CPSF7: variants seen among roughly 807,000 people sequenced by gnomAD.
CPSF7 encodes cleavage and polyadenylation specific factor 7.
CPSF7 carries 1 observed loss-of-function variant against 44.3 expected under a neutral mutation model. The ratio of observed to expected loss-of-function variants is 0.02; its 90% CI spans 0.01 to 0.11. CPSF7 has a LOEUF of 0.11. CPSF7 is among the 10% of genes least tolerant of loss of function. CPSF7 has a pLI of 1.00. For missense variants in CPSF7, 443 were observed against 607.2 expected (o/e 0.73, Z 2.84); for synonymous variants, 202 against 222.0 (o/e 0.91, Z 0.80).
intron 1 of CPSF7, chr11:61,429,647 G>A (rs1215536289): frequency 7.9e-7 from 1 of 1,261,478 alleles, no homozygotes; most frequent in East Asian, 2.6e-5. Flanking sequence ...AGCCCCCAAG[G>A]CGGCTCCGGC....
At position 61,410,270 on chromosome 11, in the gene CPSF7, A is replaced by C. The variant is rs543992037; in HGVS notation, c.*5+668T>G. ...TGGCTAATTTTTGTATTTTTTGTAG[A>C]GACAGGGTCTCCCTATGTTGCCCAG... is the stretch of plus-strand genomic sequence containing the variant. On this transcript the variant is annotated intron_variant, in intron 9 of 9. Transcript: ENST00000439958. Among the ~76,000 whole-genome samples, 621 of 152,160 alleles carry C rather than the reference A, an allele frequency of 4.1e-3. 3 individuals are homozygous for C. Among genetic ancestry groups the C allele is most frequent in the Non-Finnish European group, 6.3e-3 (425 of 68,000 alleles).
At chr11:61,425,273 C>T (rs1024943310) in intron 2 of CPSF7, among the ~76,000 whole-genome samples, 9 of 152,172 alleles carry the variant, frequency 5.9e-5, no homozygotes, top group African/African-American at 2.2e-4. Context: ...ACTTGTTCAG[C>T]TAGTAAGACA....
At chr11:61,429,680 G>A in intron 1 of CPSF7, 3 of 1,477,648 alleles carry the variant, frequency 2.0e-6, no homozygotes, top group Non-Finnish European at 2.7e-6. Flanking sequence ...GTGTCAAGCA[G>A]CTCCAGCCGC....
chr11:61,421,236 C>A (rs1860846713), intron 3 of CPSF7, 154 bp downstream of exon 3: 1 of 1,036,792 alleles, frequency 9.6e-7, no homozygotes, highest in Admixed American at 2.0e-5. Context: ...CAGGATAGTT[C>A]TCTTTCAGAG....
chr11:61,410,277 G>A (rs1299735152), intron 9 of CPSF7, among the ~76,000 whole-genome samples: 2 of 152,036 alleles, frequency 1.3e-5, no homozygotes, highest in East Asian at 3.9e-4. Context: ...TAGAGACAGG[G>A]TCTCCCTATG....
At chr11:61,411,733 T>G in intron 8 of CPSF7, 36 bp downstream of exon 8, 1 of 1,588,024 alleles carries the variant, frequency 6.3e-7, no homozygotes, top group Non-Finnish European at 8.6e-7. Flanking sequence ...GAGTGCTGCT[T>G]GGGGCTGGTA....
Position 61,429,236 on chromosome 11 carries a change from G to A in CPSF7, c.-1C>T. The A allele has an allele frequency of 6.2e-7, 1 of 1,613,674 alleles. No homozygotes were observed. Among genetic ancestry groups the A allele is most frequent in the South Asian group, 1.1e-5 (1 of 91,056 alleles). ...CAATCAAGTCCACTCCTTCTGACAT[G>A]GCTCCGGAAGGAAGATCGCGAGTCC... On this transcript the variant is annotated 5_prime_UTR_variant, in exon 2 of 10. Transcript: ENST00000439958.
intron 2 of CPSF7, chr11:61,426,961 G>A (rs1196367622): frequency 6.9e-6 from 1 of 145,004 alleles, no homozygotes; most frequent in Non-Finnish European, 1.5e-5. Context: ...CTGGGAAAAG[G>A]AGGTTGCAGC....
chr11:61,421,312 T>C (rs1296675440), intron 3 of CPSF7, 78 bp downstream of exon 3: 3 of 1,222,698 alleles, frequency 2.5e-6, no homozygotes, highest in Admixed American at 1.9e-5. Flanking sequence ...AGTGCAACAG[T>C]AGTTTCTGAA....
intron 2 of CPSF7, among the ~76,000 whole-genome samples, chr11:61,424,807 C>T (rs966886482): frequency 6.6e-6 from 1 of 152,166 alleles, no homozygotes. Context: ...AATAAGGAAA[C>T]ACATCATCTT....
chr11:61,411,395 CTT>C (rs1435437184), intron 8 of CPSF7, among the ~76,000 whole-genome samples: 2 of 152,070 alleles, frequency 1.3e-5, no homozygotes, highest in Non-Finnish European at 2.9e-5. Context: ...ATCAGTGTCC[CTT>C]TTTTAGAAAA....
intron 3 of CPSF7, 56 bp downstream of exon 3, chr11:61,421,334 C>T (rs1346415085): frequency 1.4e-6 from 2 of 1,426,674 alleles, no homozygotes; most frequent in African/African-American, 1.4e-5. Flanking sequence ...ATGCCATCAC[C>T]TCCCAGTGCT....
intron 9 of CPSF7, among the ~76,000 whole-genome samples, chr11:61,406,439 A>G (rs957805796): frequency 2.6e-5 from 4 of 152,256 alleles, no homozygotes; most frequent in Non-Finnish European, 4.4e-5. Context: ...TTCCTAAGCC[A>G]TAACTTGGTC....
chr11:61,420,862 T>C (rs1280340702), intron 3 of CPSF7: 4 of 494,280 alleles, frequency 8.1e-6, no homozygotes, highest in Non-Finnish European at 7.3e-6. Flanking sequence ...AGCTAGCAAT[T>C]TTTTAATTAT....
At chr11:61,405,132 G>GA (rs1306992955) in intron 9 of CPSF7, among the ~76,000 whole-genome samples, 2 of 152,134 alleles carry the variant, frequency 1.3e-5, no homozygotes, top group East Asian at 1.9e-4. Flanking sequence ...AGGGGAGGGG[G>GA]AAAAATCTGG....
rs556138673 is a variant in CPSF7 at position 61,422,862 on chromosome 11, G to A, written c.55-1254C>T. Among the ~76,000 whole-genome samples the A allele has an allele frequency of 2.0e-5, 3 of 152,230 alleles. No individual in the cohort carries two copies. In the South Asian group the frequency reaches 6.2e-4, roughly 32 times the overall value. ...TTTAGGATTTTACAGGCTGGGTGCAGTGGCTCACGCCTTGTATCCCAGCAC... is the reference window on the plus strand; with the variant it reads ...TTTAGGATTTTACAGGCTGGGTGCAATGGCTCACGCCTTGTATCCCAGCAC... On this transcript the variant is annotated intron_variant, in intron 2 of 9. Coordinates refer to ENST00000439958, the MANE Select transcript of CPSF7 (RefSeq NM_001142565.3).
Position 61,404,348 on chromosome 11 carries a change from T to C in CPSF7, c.*362A>G, listed in dbSNP as rs1262737490. 6.6e-6 allele frequency: 1 copy of C among 152,612 alleles called. No individual in the cohort carries two copies. Among genetic ancestry groups the C allele is most frequent in the African/African-American group, 2.4e-5 (1 of 41,434 alleles). 9.5% of individuals were successfully genotyped at this position (152,612 alleles called of 1,614,324 possible). A position where few individuals can be genotyped will look rare whatever the true frequency, so the allele number is the denominator to read the frequency against. On this transcript the variant is annotated 3_prime_UTR_variant, in exon 10 of 10. Transcript: ENST00000439958. ...ATCTATTTTCTTTGGGAAGGAAGTC[T>C]TCCCATCAACCTCACCATTGAACGG...
At chr11:61,429,583 G>T (rs1861750613) in intron 1 of CPSF7, 1 of 704,068 alleles carries the variant, frequency 1.4e-6, no homozygotes, top group Admixed American at 3.0e-5. Context: ...CTAGGACGGC[G>T]TTGCGAAGAA....
intron 9 of CPSF7, among the ~76,000 whole-genome samples, chr11:61,406,902 C>G (rs924769428): frequency 6.6e-6 from 1 of 152,096 alleles, no homozygotes; most frequent in Non-Finnish European, 1.5e-5. Context: ...TCAGCACCCC[C>G]AAGTAGCTGG....
Sources: gnomAD v4.1 joint callset for allele counts (sites outside exome capture counted in the v4.1 genomes callset) on GRCh38, gnomAD v4.1.1 for gene constraint, MANE v1.5 for transcripts, NCBI Gene and HGNC (gene_info 2026-07-23, HGNC 2026-07-21) for gene names.